The following ADD2 variants were observed in gnomAD, a reference collection of about 807,000 sequenced individuals.
The protein encoded by ADD2 is adducin 2.
ADD2 carries 23 observed loss-of-function variants against 83.0 expected under a neutral mutation model. The ratio of observed to expected loss-of-function variants is 0.28; its 90% confidence interval spans 0.20 to 0.39. The LOEUF is 0.39. Ranked by LOEUF, ADD2 falls within the 10% of genes least tolerant of loss-of-function variation. ADD2 has a pLI of 1.00. For missense variants in ADD2, 758 were observed against 944.9 expected, an observed-to-expected ratio of 0.80 and a Z score of 2.59; for synonymous variants, 375 against 375.4, an observed-to-expected ratio of 1.00 and a Z score of 0.01.
chr2:70,762,220 C>A (rs1175672058), intron 1 of ADD2, among the ~76,000 whole-genome samples: 1 of 151,300 alleles, frequency 6.6e-6, no homozygotes, highest in African/African-American at 2.4e-5. Flanking sequence ...AGACAAAAAT[C>A]AAAATGACGT....
At chr2:70,764,415 T>C (rs10207905) in intron 1 of ADD2, among the ~76,000 whole-genome samples, 2,452 of 151,992 alleles carry the variant, frequency 0.016, 120 homozygotes, top group African/African-American at 0.057. Context: ...GCTGTTCTTT[T>C]GGAGTTGGCA....
At chr2:70,692,041 C>G (rs1252947066) in intron 7 of ADD2, among the ~76,000 whole-genome samples, 1 of 152,240 alleles carries the variant, frequency 6.6e-6, no homozygotes, top group Non-Finnish European at 1.5e-5. Context: ...AAAACGGGCA[C>G]AGTCCAGGTT....
chr2:70,700,108 G>T (rs1035849294), intron 4 of ADD2, among the ~76,000 whole-genome samples: 1 of 152,134 alleles, frequency 6.6e-6, no homozygotes, highest in African/African-American at 2.4e-5. Context: ...GGAGAAAATT[G>T]TTTACAAAAT....
chr2:70,673,538 T>C (rs1669996481), intron 14 of ADD2, among the ~76,000 whole-genome samples: 1 of 152,360 alleles, frequency 6.6e-6, no homozygotes. Flanking sequence ...GCCATGTTCC[T>C]CTATTTGCTT....
At chr2:70,669,584 G>C (rs1223477511) in intron 15 of ADD2, among the ~76,000 whole-genome samples, 3 of 152,224 alleles carry the variant, frequency 2.0e-5, no homozygotes, top group Admixed American at 2.0e-4. Flanking sequence ...TATACTTTCA[G>C]TATCTGGTAG....
At chr2:70,689,323 G>C (rs1457752039) in intron 8 of ADD2, among the ~76,000 whole-genome samples, 2 of 152,160 alleles carry the variant, frequency 1.3e-5, no homozygotes, top group Admixed American at 1.3e-4. Context: ...GAACTCTCTG[G>C]AACCAGATGA....
Position 70,676,574 on chromosome 2 carries a change from T to A in ADD2, c.1593+222A>T. ...CTCCTGCAGGCAGGCTGGGCTGCTGTTCTCCAGCCCAGTGCCCACAGGGGC... is the reference window on the plus strand; with the variant it reads ...CTCCTGCAGGCAGGCTGGGCTGCTGATCTCCAGCCCAGTGCCCACAGGGGC... On this transcript the variant is annotated intron_variant, in intron 13 of 15. Transcript: ENST00000264436. The surrounding 1 kb of genome is among the most constrained non-coding windows in gnomAD (Gnocchi z 4.8). The A allele has an allele frequency of 1.4e-6, 2 of 1,412,620 alleles. No homozygotes were observed. The highest frequency in any genetic ancestry group is 5.2e-5 in the East Asian group (2 of 38,536). The allele number at this position is 1,412,620 out of a possible 1,614,324, so 87.5% of individuals were successfully genotyped here.
At chr2:70,687,896 A>C (rs1670821272) in intron 9 of ADD2, 128 bp downstream of exon 9, 2 of 656,648 alleles carry the variant, frequency 3.0e-6, no homozygotes, top group Admixed American at 5.6e-5. Context: ...GCAGAGAAAT[A>C]GGGCAAGGCT....
At chr2:70,687,014 G>T (rs1287814305) in intron 9 of ADD2, 1 of 152,404 alleles carries the variant, frequency 6.6e-6, no homozygotes, top group Non-Finnish European at 1.5e-5. Context: ...GGGCGGACGG[G>T]ACACCAAGGG....
chr2:70,689,830 T>C (rs782103050), intron 8 of ADD2, among the ~76,000 whole-genome samples: 3 of 152,176 alleles, frequency 2.0e-5, no homozygotes, highest in Non-Finnish European at 4.4e-5. Flanking sequence ...CAAGATTCCA[T>C]TTTTCTCTTG....
At chr2:70,675,690 G>A in intron 13 of ADD2, 1 of 985,434 alleles carries the variant, frequency 1.0e-6, no homozygotes, top group African/African-American at 1.7e-5. Context: ...AGTCCTCCCT[G>A]CCCTGGCCCG....
At chr2:70,670,898 C>G (rs1267919980) in intron 15 of ADD2, among the ~76,000 whole-genome samples, 1 of 152,194 alleles carries the variant, frequency 6.6e-6, no homozygotes, top group African/African-American at 2.4e-5. Context: ...TGGGAAGTAT[C>G]TTCAAGACAA....
Position 70,658,393 on chromosome 2 carries a change from G to A in ADD2, c.*5032C>T, listed in dbSNP as rs1389875281. On this transcript the variant is annotated 3_prime_UTR_variant, in exon 16 of 16. Transcript: ENST00000264436. The stretch of plus-strand genomic sequence containing the variant: ...CTGGAAGTAATTACACTCCATGTAC[G>A]CTTTCTTATGTTATGGTGCAAGTGG... 1.3e-5 allele frequency: 2 copies of A among 152,130 alleles called. No individual in the cohort carries two copies. Among genetic ancestry groups the A allele is most frequent in the Admixed American group, 6.5e-5 (1 of 15,278 alleles). The allele number at this position is 152,130 out of a possible 1,614,324, so 9.4% of individuals were successfully genotyped here.
intron 11 of ADD2, 50 bp from the exon 12 acceptor site, chr2:70,677,927 G>A: frequency 6.2e-7 from 1 of 1,609,742 alleles, no homozygotes; most frequent in South Asian, 1.1e-5. Context: ...AGGCCCATGA[G>A]TCCTCCCCAG....
Position 70,676,690 on chromosome 2 carries a change from G to T in ADD2, c.1593+106C>A. ...GAGCACCGGCACCCAAGATCACAGG[G>T]GAAGGTGGGTATGAGGACTCAGGGG... On this transcript the variant is annotated intron_variant, in intron 13 of 15. Transcript: ENST00000264436. The surrounding 1 kb of genome is among the most constrained non-coding windows in gnomAD (Gnocchi z 4.8). 1.3e-6 allele frequency: 2 copies of T among 1,541,910 alleles called. No homozygotes were observed. The highest frequency in any genetic ancestry group is 2.4e-5 in the East Asian group (1 of 41,844).
chr2:70,765,851 T>G (rs1396936585), intron 1 of ADD2, among the ~76,000 whole-genome samples: 1 of 152,222 alleles, frequency 6.6e-6, no homozygotes, highest in Non-Finnish European at 1.5e-5. Flanking sequence ...TACTTCCAAG[T>G]TAGGCTGCCT....
intron 4 of ADD2, among the ~76,000 whole-genome samples, chr2:70,702,969 A>G (rs1385797287): frequency 6.6e-6 from 1 of 152,078 alleles, no homozygotes; most frequent in Non-Finnish European, 1.5e-5. Context: ...TCCACAAAAA[A>G]TACAAAAATT....
intron 14 of ADD2, chr2:70,673,492 C>T (rs1669994335): frequency 3.3e-6 from 2 of 607,218 alleles, no homozygotes; most frequent in Admixed American, 5.8e-5. Context: ...ATCAAATTTA[C>T]ATTTTCTGTC....
intron 1 of ADD2, among the ~76,000 whole-genome samples, chr2:70,765,830 T>C (rs1675354093): frequency 6.6e-6 from 1 of 152,250 alleles, no homozygotes; most frequent in Non-Finnish European, 1.5e-5. Context: ...TGTCCTTTTT[T>C]CTTTCCCAAC....
Sources: allele counts gnomAD v4.1 joint callset (sites outside exome capture counted in the v4.1 genomes callset), GRCh38; gene constraint gnomAD v4.1.1; non-coding constraint Gnocchi (gnomAD v3.1); transcripts MANE v1.5; gene names NCBI Gene and HGNC (gene_info 2026-07-23, HGNC 2026-07-21).